Variants in FAM47E observed in about 807,000 individuals in gnomAD.
The protein encoded by FAM47E is protein FAM47E.
Under a neutral mutation model 41.6 loss-of-function variants are expected in FAM47E, and 32 were observed. The observed-to-expected ratio is 0.77, with a 90% CI of 0.58 to 1.03. The LOEUF (loss-of-function observed/expected upper bound fraction) is 1.03, where lower values mean the gene tolerates loss of function less well. FAM47E is among the 50% of genes least tolerant of loss of function. The probability of loss-of-function intolerance (pLI) is 0.00; values close to 1 mark genes in which losing one functional copy is unlikely to be tolerated. For missense variants in FAM47E, 424 were observed against 485.4 expected (o/e 0.87, Z 1.19); for synonymous variants, 184 against 188.7 (o/e 0.98, Z 0.20).
chr4:76,219,175 A>G (rs1733265743), intron 2 of FAM47E, among the ~76,000 whole-genome samples: 2 of 152,204 alleles, frequency 1.3e-5, no homozygotes, highest in African/African-American at 4.8e-5. Flanking sequence ...AAAATAAGCA[A>G]TGGCACTGGA....
chr4:76,243,462 G>A (rs1733752948), intron 2 of FAM47E, among the ~76,000 whole-genome samples: 1 of 151,976 alleles, frequency 6.6e-6, no homozygotes, highest in African/African-American at 2.4e-5. Flanking sequence ...TTGGATTTGG[G>A]GCAGGTATTA....
chr4:76,273,072 G>A (rs1734958127), intron 5 of FAM47E, among the ~76,000 whole-genome samples: 1 of 152,162 alleles, frequency 6.6e-6, no homozygotes, highest in African/African-American at 2.4e-5. Flanking sequence ...TCCTCCAGTG[G>A]ATGCTGAAAC....
chr4:76,280,323 G>T lies in FAM47E; in HGVS notation c.1086G>T (p.Arg362Ser). Residue 362 changes from arginine to serine, a missense_variant, in exon 7 of 8, where the codon AGG becomes AGT. Transcript: ENST00000424749. ...CCTTTAAGGATTTCATTCTAAGCAG[G>T]GGCTACAGGACGCCACGTGTGAGTA... ...TVAFKDFILSRGYRTPRFLEN... is the reference protein window; with the variant it reads ...TVAFKDFILSSGYRTPRFLEN... 1 of 1,548,696 alleles carries T rather than the reference G, an allele frequency of 6.5e-7. No homozygotes were observed. Among genetic ancestry groups the T allele is most frequent in the Non-Finnish European group, 8.7e-7 (1 of 1,144,534 alleles).
intron 4 of FAM47E, 71 bp from the exon 5 acceptor site, chr4:76,271,497 T>C: frequency 6.6e-7 from 1 of 1,515,936 alleles, no homozygotes; most frequent in Non-Finnish European, 8.9e-7. Flanking sequence ...GCGATGGCCC[T>C]CAGATTAAAG....
At chr4:76,275,491 C>T (rs941716709) in intron 5 of FAM47E, among the ~76,000 whole-genome samples, 12 of 152,042 alleles carry the variant, frequency 7.9e-5, no homozygotes, top group South Asian at 2.1e-4. Flanking sequence ...TTTTGAGCAC[C>T]GACCACTATG....
intron 1 of FAM47E, chr4:76,214,564 G>A (rs1347191087): frequency 3.0e-6 from 1 of 336,770 alleles, no homozygotes; most frequent in Admixed American, 4.1e-5. Context: ...AAGGGCTCTT[G>A]GTATCCTGTT....
chr4:76,244,220 A>G (rs1293975246), intron 2 of FAM47E, among the ~76,000 whole-genome samples: 1 of 152,156 alleles, frequency 6.6e-6, no homozygotes, highest in African/African-American at 2.4e-5. Context: ...ATGTGTCTTT[A>G]TAGTAGTATG....
intron 2 of FAM47E, among the ~76,000 whole-genome samples, chr4:76,219,878 T>C (rs896827699): frequency 5.3e-5 from 8 of 152,228 alleles, no homozygotes; most frequent in Non-Finnish European, 1.0e-4. Context: ...AGAAGCCTCC[T>C]ATACTCATCA....
intron 4 of FAM47E, 35 bp downstream of exon 4, chr4:76,268,803 T>G (rs1303321172): frequency 6.5e-7 from 1 of 1,549,116 alleles, no homozygotes; most frequent in African/African-American, 1.4e-5. Context: ...TGCAAGTGGG[T>G]TACTACTTTT....
At chr4:76,228,876 T>C (rs1455916440) in intron 2 of FAM47E, among the ~76,000 whole-genome samples, 1 of 152,210 alleles carries the variant, frequency 6.6e-6, no homozygotes, top group Non-Finnish European at 1.5e-5. Context: ...TTTGAGCTTC[T>C]TGTATTTGGA....
At chr4:76,217,102 C>T (rs1458027881) in intron 1 of FAM47E, among the ~76,000 whole-genome samples, 2 of 152,214 alleles carry the variant, frequency 1.3e-5, no homozygotes, top group Non-Finnish European at 2.9e-5. Flanking sequence ...GACATGTCTG[C>T]ACCGCTAATT....
chr4:76,252,456 A>G (rs1269801486), intron 1 of FAM47E, among the ~76,000 whole-genome samples: 1 of 152,208 alleles, frequency 6.6e-6, no homozygotes, highest in Non-Finnish European at 1.5e-5. Context: ...GTCTAGAATC[A>G]GAAAGGCTTG....
chr4:76,250,793 C>A (rs756085952), upstream of FAM47E, among the ~76,000 whole-genome samples: 1 of 152,172 alleles, frequency 6.6e-6, no homozygotes, highest in Non-Finnish European at 1.5e-5. Context: ...CACAACAGCT[C>A]TGTTAAGTAG....
At chr4:76,282,045 G>T (rs1347604559) in intron 7 of FAM47E, 1 of 56,692 alleles carries the variant, frequency 1.8e-5, no homozygotes, top group Non-Finnish European at 5.6e-5. Context: ...CATAACATTT[G>T]TATGTAGAAG....
chr4:76,268,508 CTT>C, intron 3 of FAM47E, 150 bp from the exon 4 acceptor site: 1 of 723,422 alleles, frequency 1.4e-6, no homozygotes, highest in Non-Finnish European at 2.2e-6. Context: ...AGAATGTGCT[CTT>C]TGAAAAATTA....
At chr4:76,234,511 T>A (rs1354734420) in intron 2 of FAM47E, 5 of 152,172 alleles carry the variant, frequency 3.3e-5, no homozygotes, top group Admixed American at 6.5e-5. Context: ...TGCTTCCTGC[T>A]TTACGGTTGG....
intron 3 of FAM47E, chr4:76,268,349 C>T (rs1350975697): frequency 1.3e-5 from 3 of 236,466 alleles, no homozygotes; most frequent in African/African-American, 7.0e-5. Flanking sequence ...TGGTAGACTT[C>T]AAGCACAGTA....
intron 6 of FAM47E, chr4:76,278,590 A>C: frequency 3.4e-6 from 1 of 295,266 alleles, no homozygotes; most frequent in Non-Finnish European, 6.2e-6. Context: ...TGGGTAACAA[A>C]ATGTGAAGCT....
At chr4:76,261,046 G>C (rs537139108) in intron 2 of FAM47E, among the ~76,000 whole-genome samples, 98 of 150,612 alleles carry the variant, frequency 6.5e-4, no homozygotes, top group African/African-American at 2.3e-3. Context: ...CATACAAGCA[G>C]CCAACAAACA....
Sources: gnomAD v4.1 joint callset for allele counts (sites outside exome capture counted in the v4.1 genomes callset) on GRCh38, gnomAD v4.1.1 for gene constraint, MANE v1.5 for transcripts, NCBI Gene and HGNC (gene_info 2026-07-23, HGNC 2026-07-21) for gene names.